SIMC1: variants seen among roughly 807,000 people sequenced by gnomAD.
SIMC1 encodes the protein SUMO-interacting motif-containing protein 1.
A neutral mutation model predicts 82.3 loss-of-function variants in SIMC1; 55 were observed. That is an observed-to-expected ratio of 0.67 (90% CI 0.54 to 0.84). The LOEUF (loss-of-function observed/expected upper bound fraction) is 0.84. SIMC1 is among the 40% of genes least tolerant of loss of function. The pLI, the probability that SIMC1 is intolerant of heterozygous loss-of-function variation, is 0.00. For synonymous variants in SIMC1, 353 were observed against 426.3 expected (o/e 0.83, Z 2.12); for missense variants, 915 against 1,107.2 (o/e 0.83, Z 2.46).
In SIMC1 at chr5:176,295,130, T is replaced by G; in HGVS notation, c.1532T>G (p.Met511Arg). Residue 511 changes from methionine (M) to arginine (R), a missense_variant, in exon 3 of 10, where the codon ATG becomes AGG. Met to Arg is a moderately conservative substitution (Grantham distance 91). Transcript: ENST00000429602. Reference protein sequence around the residue: ...NFPLGTVQFLMDFVSPQHYPP... With the variant: ...NFPLGTVQFLRDFVSPQHYPP... ...CCTCTGGGGACTGTGCAGTTTTTGA[T>G]GGACTTTGTGTCACCCCAGCATTAC... 1 of 1,613,682 alleles carries G rather than the reference T, an allele frequency of 6.2e-7. No homozygotes were observed. The highest frequency in any genetic ancestry group is 8.5e-7 in the Non-Finnish European group (1 of 1,179,696).
At chr5:176,258,532 A>G (rs367939616) in intron 1 of SIMC1, among the ~76,000 whole-genome samples, 16,831 of 149,750 alleles carry the variant, frequency 0.11, 930 homozygotes, top group Admixed American at 0.15. Context: ...TTTTAAACGG[A>G]TGGTTTTGGA....
At position 176,256,965 on chromosome 5, in the gene SIMC1, C is replaced by T. The variant is rs571041351; in HGVS notation, c.129+18328C>T. Among the ~76,000 whole-genome samples the T allele has an allele frequency of 1.5e-3, 234 of 152,238 alleles. 1 individual carries two copies. Among genetic ancestry groups the T allele is most frequent in the Non-Finnish European group, 2.5e-3 (170 of 68,008 alleles). On this transcript the variant is annotated intron_variant, in intron 1 of 9. Transcript: ENST00000429602. ...AGAGACAGGGTCTCACTATGTTGCC[C>T]ACACTGGTCTTGAACTCCTTGCCTC...
intron 1 of SIMC1, among the ~76,000 whole-genome samples, chr5:176,255,721 TAA>T (rs202176692): frequency 7.6e-6 from 1 of 130,838 alleles, no homozygotes; most frequent in Non-Finnish European, 1.6e-5. Context: ...TGAGTACTCC[TAA>T]AAAAAAAAAA....
rs760082427 is a variant in SIMC1 at position 176,290,661 on chromosome 5, G to A, written c.1137G>A (p.Gln379=). The A allele has an allele frequency of 1.2e-6, 2 of 1,613,944 alleles. No homozygotes were observed. The highest frequency in any genetic ancestry group is 8.5e-7 in the Non-Finnish European group (1 of 1,179,894). The stretch of plus-strand genomic sequence containing the variant: ...CTGACTTTACCCAGAATGATGTACA[G>A]AACCGTGACATGCCTATGGATATCT... ...DRPDFTQNDV[Q]NRDMPMDISA... is the part of the protein sequence containing the mutation. The change falls in exon 2 of 10, where the codon CAG becomes CAA. Residue 379 remains glutamine, a synonymous_variant. Transcript: ENST00000429602.
Position 176,336,842 on chromosome 5 carries a change from T to C in SIMC1, c.2294T>C (p.Phe765Ser). The change falls in exon 8 of 10, where the codon TTT (phenylalanine) becomes TCT (serine). Residue 765 changes from phenylalanine (F) to serine (S), a missense_variant. Coordinates refer to ENST00000429602, the MANE Select transcript of SIMC1 (RefSeq NM_001308195.2). ...LPLSLAQALY[F>S]LNNSTSLLKC... is the part of the protein sequence containing the mutation. ...CTGTCTCTGGCCCAGGCCCTCTACT[T>C]TCTGAATAATTCTACGTCACTGCTC... The C allele has an allele frequency of 6.2e-7, 1 of 1,613,948 alleles. No homozygotes were observed. The highest frequency in any genetic ancestry group is 1.1e-5 in the South Asian group (1 of 91,078).
At position 176,295,212 on chromosome 5, in the gene SIMC1, G is replaced by A. The variant is rs577424751; in HGVS notation, c.1614G>A (p.Glu538=). ...IIQKILLSGS[E]TVDVLKEAYM... ...AGAAAATCTTGCTCAGTGGCTCTGA[G>A]ACTGTGGATGTCCTAAAGGAGGCCT... The change falls in exon 3 of 10, where the codon GAG becomes GAA. Residue 538 remains glutamate (E), a synonymous_variant. Coordinates refer to ENST00000429602, the MANE Select transcript of SIMC1 (RefSeq NM_001308195.2). The A allele has an allele frequency of 4.3e-6, 7 of 1,613,422 alleles. No individual in the cohort carries two copies. In the East Asian group the frequency reaches 1.6e-4, roughly 36 times the overall value.
At chr5:176,308,395 C>T in intron 4 of SIMC1, 5 of 1,604,772 alleles carry the variant, frequency 3.1e-6, no homozygotes, top group Admixed American at 3.3e-5. Context: ...GCTGAACTGA[C>T]AGGCCACCCC....
chr5:176,287,832 C>G (rs933128130), intron 1 of SIMC1, among the ~76,000 whole-genome samples: 31 of 151,818 alleles, frequency 2.0e-4, no homozygotes, highest in African/African-American at 6.3e-4. Flanking sequence ...TAGCAATGGA[C>G]AATTGGAAAA....
At chr5:176,282,141 G>GC (rs1175010181) in intron 1 of SIMC1, among the ~76,000 whole-genome samples, 1 of 152,242 alleles carries the variant, frequency 6.6e-6, no homozygotes, top group Admixed American at 6.5e-5. Context: ...AATGGCGGGC[G>GC]CCCCTCCTGC....
intron 1 of SIMC1, among the ~76,000 whole-genome samples, chr5:176,274,846 T>C (rs1449056653): frequency 4.0e-5 from 6 of 151,868 alleles, no homozygotes; most frequent in African/African-American, 1.2e-4. Context: ...CTCTCTGTTT[T>C]GGTACCAGTA....
At chr5:176,271,913 A>G (rs961855166) in intron 1 of SIMC1, among the ~76,000 whole-genome samples, 4 of 88,012 alleles carry the variant, frequency 4.5e-5, no homozygotes, top group African/African-American at 1.7e-4. Context: ...TTAGTATATA[A>G]TTGTATATTA....
intron 1 of SIMC1, among the ~76,000 whole-genome samples, chr5:176,283,012 T>G (rs1763085027): frequency 6.6e-6 from 1 of 152,052 alleles, no homozygotes; most frequent in East Asian, 1.9e-4. Flanking sequence ...CTCCAAGAAA[T>G]ATGGGACTAT....
chr5:176,274,581 T>A (rs954713278), intron 1 of SIMC1, among the ~76,000 whole-genome samples: 3 of 151,860 alleles, frequency 2.0e-5, no homozygotes, highest in Admixed American at 6.6e-5. Context: ...GTCCTTGCCC[T>A]TGCCTATGTC....
intron 1 of SIMC1, among the ~76,000 whole-genome samples, chr5:176,255,969 A>G (rs1761840665): frequency 6.6e-6 from 1 of 152,214 alleles, no homozygotes; most frequent in African/African-American, 2.4e-5. Flanking sequence ...ACCAAAAGGC[A>G]GAAATGTCTG....
chr5:176,337,201 A>G (rs750945244), intron 9 of SIMC1, 55 bp downstream of exon 9: 111 of 1,388,180 alleles, frequency 8.0e-5, no homozygotes, highest in Non-Finnish European at 1.1e-4. Flanking sequence ...GGACATTTGT[A>G]TTAGTCATAA....
intron 5 of SIMC1, among the ~76,000 whole-genome samples, 153 bp from the exon 6 acceptor site, chr5:176,322,120 C>T (rs762443227): frequency 6.6e-6 from 1 of 151,964 alleles, no homozygotes; most frequent in Non-Finnish European, 1.5e-5. Flanking sequence ...CTTTTGTTGC[C>T]TGTAGGGAAA....
intron 1 of SIMC1, among the ~76,000 whole-genome samples, chr5:176,285,504 G>A (rs947972062): frequency 2.6e-4 from 40 of 151,966 alleles, no homozygotes; most frequent in African/African-American, 7.7e-4. Context: ...AATAAGAGCT[G>A]TTTATGACAA....
At chr5:176,262,573 G>A (rs1278287651) in intron 1 of SIMC1, among the ~76,000 whole-genome samples, 2 of 152,250 alleles carry the variant, frequency 1.3e-5, no homozygotes, top group Admixed American at 1.3e-4. Context: ...GGGAGGCCAA[G>A]GCAGGTGGAG....
chr5:176,330,915 T>A (rs1765627348), intron 7 of SIMC1, among the ~76,000 whole-genome samples: 1 of 152,138 alleles, frequency 6.6e-6, no homozygotes, highest in Non-Finnish European at 1.5e-5. Context: ...ACTACCATAG[T>A]CAAGTGATCA....
Sources: gnomAD v4.1 joint callset for allele counts (sites outside exome capture counted in the v4.1 genomes callset) on GRCh38, gnomAD v4.1.1 for gene constraint, MANE v1.5 for transcripts, NCBI Gene and HGNC (gene_info 2026-07-23, HGNC 2026-07-21) for gene names.